CCDC88C: variants seen among roughly 807,000 people sequenced by gnomAD.
CCDC88C encodes the protein coiled-coil and HOOK domain protein 88C, also known as protein Daple.
CCDC88C carries 131 observed loss-of-function variants against 198.8 expected under a neutral mutation model. The observed-to-expected ratio is 0.66, with a 90% confidence interval of 0.57 to 0.76. CCDC88C has a LOEUF of 0.76. Among genes scored for constraint, CCDC88C ranks in the 30% least tolerant of loss-of-function variants. The pLI, the probability that CCDC88C is intolerant of heterozygous loss-of-function variation, is 0.00. For synonymous variants in CCDC88C, 1,166 were observed against 1,114.7 expected (o/e 1.05, Z -0.92); for missense variants, 2,553 against 2,631.6 (o/e 0.97, Z 0.65).
chr14:91,407,709 G>A (rs564169685), intron 3 of CCDC88C, among the ~76,000 whole-genome samples: 1 of 152,258 alleles, frequency 6.6e-6, no homozygotes, highest in Admixed American at 6.5e-5. Flanking sequence ...ATTTCCATCC[G>A]TATTGGCCAC....
chr14:91,369,706 T>A (rs1315256489), intron 3 of CCDC88C, among the ~76,000 whole-genome samples: 4 of 151,676 alleles, frequency 2.6e-5, no homozygotes, highest in Non-Finnish European at 5.9e-5. Flanking sequence ...GGGCGGGGAG[T>A]CCTGGCAAAA....
chr14:91,405,067 G>A (rs1280319345), intron 3 of CCDC88C, among the ~76,000 whole-genome samples: 2 of 152,030 alleles, frequency 1.3e-5, no homozygotes, highest in Admixed American at 6.5e-5. Context: ...CTTAGACCCC[G>A]GTGGTGGGAT....
chr14:91,309,615 A>G (rs1891724373), intron 16 of CCDC88C, among the ~76,000 whole-genome samples: 1 of 151,844 alleles, frequency 6.6e-6, no homozygotes, highest in African/African-American at 2.4e-5. Flanking sequence ...GTCTCAAAAA[A>G]AAAAAAAAAA....
chr14:91,285,652 C>T, intron 25 of CCDC88C: 1 of 1,286,028 alleles, frequency 7.8e-7, no homozygotes, highest in Non-Finnish European at 1.0e-6. Context: ...AATACAGACA[C>T]ATGATAAAGG....
In CCDC88C at chr14:91,325,153, G is replaced by A. The variant is rs1043370558; in HGVS notation, c.1198-230C>T. 2.0e-5 allele frequency among the ~76,000 whole-genome samples: 3 copies of A among 152,228 alleles called. No individual in the cohort carries two copies. The highest frequency in any genetic ancestry group is 7.2e-5 in the African/African-American group (3 of 41,456). ...TACCTAGGTTATGAAGACAGACCCG[G>A]CCGGGGTCCCTAACTGAATGCTGTC... is the stretch of plus-strand genomic sequence containing the variant. On this transcript the variant is annotated intron_variant, in intron 11 of 29. Coordinates refer to ENST00000389857, the MANE Select transcript of CCDC88C (RefSeq NM_001080414.4). The surrounding 1 kb of genome is among the most constrained non-coding windows in gnomAD (Gnocchi z 4.1).
intron 13 of CCDC88C, 86 bp downstream of exon 13, chr14:91,321,032 TTG>T: frequency 7.6e-7 from 1 of 1,314,560 alleles, no homozygotes; most frequent in Non-Finnish European, 1.0e-6. Flanking sequence ...GGCCCCCTCC[TTG>T]TCTGTGCTCC....
intron 10 of CCDC88C, among the ~76,000 whole-genome samples, chr14:91,336,065 A>C (rs1029434697): frequency 1.3e-5 from 2 of 152,256 alleles, no homozygotes; most frequent in African/African-American, 4.8e-5. Context: ...CTTGTGATTA[A>C]TAAAGTGAAT....
At chr14:91,402,052 A>G (rs1886234294) in intron 3 of CCDC88C, among the ~76,000 whole-genome samples, 1 of 152,090 alleles carries the variant, frequency 6.6e-6, no homozygotes, top group Non-Finnish European at 1.5e-5. Context: ...AGGCGGGAGG[A>G]TTGCTTGAGC....
rs1157869984 is a variant in CCDC88C, at chr14:91,384,437, C to A, written c.270+24222G>T. 7.6e-6 allele frequency: 4 copies of A among 522,906 alleles called. No homozygotes were observed. The African/African-American group carries it at 7.7e-5, about 10-fold the overall frequency. The allele number at this position is 522,906 out of a possible 1,614,324, so 32.4% of individuals were successfully genotyped here. A position where few individuals can be genotyped will look rare whatever the true frequency, so the allele number is the denominator to read the frequency against. On this transcript the variant is annotated intron_variant, in intron 3 of 29. Coordinates refer to ENST00000389857, the MANE Select transcript of CCDC88C (RefSeq NM_001080414.4). ...ATCCTGCTTCACTGCTGCTTGCACT[C>A]TGTTGGGTTTTGATCCTTCTTTGGG...
intron 3 of CCDC88C, among the ~76,000 whole-genome samples, chr14:91,407,171 C>A (rs571900001): frequency 1.3e-5 from 2 of 152,178 alleles, no homozygotes; most frequent in Non-Finnish European, 2.9e-5. Flanking sequence ...CGTTCAGTTT[C>A]AAATTCATGT....
intron 12 of CCDC88C, among the ~76,000 whole-genome samples, chr14:91,322,589 G>A (rs1892400687): frequency 6.6e-6 from 1 of 152,188 alleles, no homozygotes; most frequent in African/African-American, 2.4e-5. Context: ...TTCAAAACCT[G>A]TGGTCATCTG....
intron 3 of CCDC88C, among the ~76,000 whole-genome samples, chr14:91,395,786 C>T (rs2139989992): frequency 1.3e-5 from 2 of 152,242 alleles, no homozygotes; most frequent in South Asian, 2.1e-4. Flanking sequence ...CCCTACAGAA[C>T]ACCCCTACAT....
In CCDC88C at chr14:91,417,655, G is replaced by A. The variant is rs750911195; in HGVS notation, c.36C>T (p.Phe12=). Residue 12 remains phenylalanine, a synonymous_variant, in exon 1 of 30, where the codon TTC becomes TTT. Coordinates refer to ENST00000389857, the MANE Select transcript of CCDC88C (RefSeq NM_001080414.4). ...DVTVSELLEL[F]LQSPLVTWVK... is the part of the protein sequence containing the mutation. Reference sequence around the variant, plus strand: ...CCCAGGTCACCAGCGGGCTCTGCAGGAAGAGCTCCAGGAGCTCCGAGACTG... The same window carrying A: ...CCCAGGTCACCAGCGGGCTCTGCAGAAAGAGCTCCAGGAGCTCCGAGACTG... 1.4e-5 allele frequency: 23 copies of A among 1,589,398 alleles called. No individual in the cohort carries two copies. The highest frequency in any genetic ancestry group is 1.1e-4 in the South Asian group (10 of 88,110).
intron 10 of CCDC88C, among the ~76,000 whole-genome samples, chr14:91,334,312 GCT>G (rs1339756858): frequency 6.6e-6 from 1 of 152,184 alleles, no homozygotes; most frequent in African/African-American, 2.4e-5. Flanking sequence ...CACGATCTCG[GCT>G]CACCACAACC....
chr14:91,415,443 C>T (rs1285843), intron 2 of CCDC88C, among the ~76,000 whole-genome samples: 19,963 of 152,012 alleles, frequency 0.13, 2,556 homozygotes, highest in East Asian at 0.5. Flanking sequence ...AAAAGGAGGC[C>T]GGGCACCACA....
intron 3 of CCDC88C, among the ~76,000 whole-genome samples, chr14:91,375,627 C>T (rs1164505479): frequency 1.3e-5 from 2 of 152,166 alleles, no homozygotes; most frequent in Non-Finnish European, 2.9e-5. Context: ...AGAGCCCACA[C>T]TTCAGGCAAA....
chr14:91,339,592 G>A lies in CCDC88C; in HGVS notation c.625-130C>T, dbSNP rs1268025172. 1.1e-5 allele frequency: 10 copies of A among 939,766 alleles called. No homozygotes were observed. The highest frequency in any genetic ancestry group is 1.7e-5 in the African/African-American group (1 of 59,792). 58.2% of individuals were successfully genotyped at this position (939,766 alleles called of 1,614,324 possible). A position where few individuals can be genotyped will look rare whatever the true frequency, so the allele number is the denominator to read the frequency against. ...GCGGAGACTAAGAAACGAGGAGGAA[G>A]GTGGGAAAAGGCTGGCATGGGTTTT... On this transcript the variant is annotated intron_variant, in intron 7 of 29. Transcript: ENST00000389857. This position sits in a 1 kb window ranked among gnomAD's most constrained non-coding sequence, Gnocchi z 5.8.
At chr14:91,332,355 C>G (rs2139845423) in intron 10 of CCDC88C, among the ~76,000 whole-genome samples, 1 of 152,326 alleles carries the variant, frequency 6.6e-6, no homozygotes, top group African/African-American at 2.4e-5. Flanking sequence ...ACGCTTCCTC[C>G]TGGACCGAGG....
intron 4 of CCDC88C, among the ~76,000 whole-genome samples, chr14:91,347,543 C>G (rs1347317420): frequency 2.0e-5 from 3 of 152,072 alleles, no homozygotes; most frequent in Non-Finnish European, 2.9e-5. Flanking sequence ...AGACACTTCT[C>G]AAAAGAAGAC....
Sources: allele counts gnomAD v4.1 joint callset (sites outside exome capture counted in the v4.1 genomes callset), GRCh38; gene constraint gnomAD v4.1.1; non-coding constraint Gnocchi (gnomAD v3.1); transcripts MANE v1.5; gene names NCBI Gene and HGNC (gene_info 2026-07-23, HGNC 2026-07-21).